TMEM132B: variants seen among roughly 807,000 people sequenced by gnomAD.
TMEM132B encodes transmembrane protein 132B.
Under a neutral mutation model 90.8 loss-of-function variants are expected in TMEM132B, and 18 were observed. The ratio of observed to expected loss-of-function variants is 0.20; its 90% CI spans 0.14 to 0.29. TMEM132B has a LOEUF of 0.29. Ranked by LOEUF, TMEM132B falls within the 10% of genes least tolerant of loss-of-function variation. TMEM132B has a pLI of 1.00. For missense variants in TMEM132B, 1,096 were observed against 1,326.8 expected (o/e 0.83, Z 2.70); for synonymous variants, 504 against 523.3 (o/e 0.96, Z 0.50).
chr12:125,408,269 A>G lies in TMEM132B; in HGVS notation c.960-7262A>G, dbSNP rs529463187. On this transcript the variant is annotated intron_variant, in intron 2 of 8. Coordinates refer to ENST00000682704, the MANE Select transcript of TMEM132B (RefSeq NM_001366854.1). The surrounding 1 kb of genome is among the most constrained non-coding windows in gnomAD (Gnocchi z 5.9). ...TTACGCTTTACCAGTTCCGTTGTCAATGGGTGCTAGGGTCTGAACGTCTGT... is the reference window on the plus strand; with the variant it reads ...TTACGCTTTACCAGTTCCGTTGTCAGTGGGTGCTAGGGTCTGAACGTCTGT... Among the ~76,000 whole-genome samples the G allele has an allele frequency of 3.9e-5, 6 of 152,244 alleles. No individual in the cohort carries two copies. Among genetic ancestry groups the G allele is most frequent in the East Asian group, 3.9e-4 (2 of 5,176 alleles).
At chr12:125,361,656 C>G (rs1370839486) in intron 2 of TMEM132B, among the ~76,000 whole-genome samples, 5 of 152,150 alleles carry the variant, frequency 3.3e-5, no homozygotes, top group Non-Finnish European at 7.3e-5. Flanking sequence ...TGAGTGTTTC[C>G]CAAGCTAACT....
At chr12:125,596,355 A>G (rs948527639) in intron 5 of TMEM132B, among the ~76,000 whole-genome samples, 1 of 152,140 alleles carries the variant, frequency 6.6e-6, no homozygotes, top group African/African-American at 2.4e-5. Context: ...TCTCTTTTCC[A>G]TTCCATTGTC....
At chr12:125,359,710 C>A (rs780346762) in intron 2 of TMEM132B, among the ~76,000 whole-genome samples, 1 of 152,220 alleles carries the variant, frequency 6.6e-6, no homozygotes, top group Non-Finnish European at 1.5e-5. Context: ...CATGTTTGGT[C>A]ATTTCTACTT....
At chr12:125,215,501 C>T (rs1252664542) in intron 1 of TMEM132B, among the ~76,000 whole-genome samples, 1 of 152,154 alleles carries the variant, frequency 6.6e-6, no homozygotes, top group Non-Finnish European at 1.5e-5. Flanking sequence ...CCTCTGCTTC[C>T]ACCCTTGCAT....
Position 125,654,030 on chromosome 12 carries a change from C to T in TMEM132B, c.2572C>T (p.Pro858Ser). The part of the protein sequence containing the change: ...STNKSTTPQS[P>S]MEGKNKLLKS... The stretch of plus-strand genomic sequence containing the variant: ...CAACAAAAGCACAACCCCCCAGTCT[C>T]CCATGGAAGGGAAGAATAAGTTACT... Residue 858 changes from proline (P) to serine (S), a missense_variant, in exon 9 of 9, where the codon CCC (proline) becomes TCC (serine). Coordinates refer to ENST00000682704, the MANE Select transcript of TMEM132B (RefSeq NM_001366854.1). This position sits in a 1 kb window ranked among gnomAD's most constrained non-coding sequence, Gnocchi z 5.8. The T allele has an allele frequency of 6.2e-7, 1 of 1,614,198 alleles. No individual in the cohort carries two copies. Among genetic ancestry groups the T allele is most frequent in the Non-Finnish European group, 8.5e-7 (1 of 1,180,032 alleles).
rs1882625725 is a variant in TMEM132B at position 125,498,921 on chromosome 12, A to G, written c.1107-20518A>G. Among the ~76,000 whole-genome samples the G allele has an allele frequency of 6.6e-6, 1 of 152,222 alleles. No individual in the cohort carries two copies. The highest frequency in any genetic ancestry group is 2.4e-5 in the African/African-American group (1 of 41,462). On this transcript the variant is annotated intron_variant, in intron 3 of 8. Coordinates refer to ENST00000682704, the MANE Select transcript of TMEM132B (RefSeq NM_001366854.1). This position sits in a 1 kb window ranked among gnomAD's most constrained non-coding sequence, Gnocchi z 4.5. ...GGAAAGTGACCTGGACCTGTTGGTG[A>G]TAAGCTTGGGAATGCTCAGTTAGCA...
At chr12:125,305,146 C>G (rs1164001198) in intron 1 of TMEM132B, among the ~76,000 whole-genome samples, 1 of 151,986 alleles carries the variant, frequency 6.6e-6, no homozygotes, top group Non-Finnish European at 1.5e-5. Context: ...ATATCAGTTG[C>G]CTTCTTTTCA....
chr12:125,417,067 G>A (rs968687054), intron 3 of TMEM132B, among the ~76,000 whole-genome samples: 6 of 152,084 alleles, frequency 3.9e-5, no homozygotes, highest in African/African-American at 9.7e-5. Context: ...GCAGCACAAC[G>A]GTGTCTCCTG....
intron 3 of TMEM132B, among the ~76,000 whole-genome samples, chr12:125,416,375 C>G (rs958654292): frequency 6.6e-6 from 1 of 152,258 alleles, no homozygotes; most frequent in Non-Finnish European, 1.5e-5. Flanking sequence ...ATGTGGCCTC[C>G]TGCTTTAAAA....
At position 125,519,490 on chromosome 12, in the gene TMEM132B, TAGC is replaced by T. The variant is rs763241457; in HGVS notation, c.1161_1163del (p.Ser388del). ...TGCAAGTGGACTTTGGAATTGATAA[TAGC>T]AGTGACCTGGCTGGGGCCCAGCAGA... On this transcript the variant is annotated inframe_deletion, in exon 4 of 9. Transcript: ENST00000682704. 2.7e-5 allele frequency: 43 copies of T among 1,613,990 alleles called. No individual in the cohort carries two copies. Among genetic ancestry groups the T allele is most frequent in the Non-Finnish European group, 3.4e-5 (40 of 1,179,996 alleles).
At chr12:125,508,440 A>G (rs1354303684) in intron 3 of TMEM132B, among the ~76,000 whole-genome samples, 1 of 152,200 alleles carries the variant, frequency 6.6e-6, no homozygotes, top group Non-Finnish European at 1.5e-5. Context: ...GGTCTGGGAA[A>G]AAATTGGCAC....
chr12:125,438,041 T>C (rs1251112799), intron 3 of TMEM132B, among the ~76,000 whole-genome samples: 7 of 152,226 alleles, frequency 4.6e-5, no homozygotes, highest in Non-Finnish European at 1.0e-4. Context: ...ATGTGCTTTA[T>C]GGCCACTTTA....
At chr12:125,574,014 A>T (rs1884873196) in intron 4 of TMEM132B, among the ~76,000 whole-genome samples, 1 of 152,184 alleles carries the variant, frequency 6.6e-6, no homozygotes, top group African/African-American at 2.4e-5. Context: ...TACCAAGTTC[A>T]TTGGGCCATT....
intron 1 of TMEM132B, among the ~76,000 whole-genome samples, chr12:125,279,544 G>A (rs1593066381): frequency 6.6e-6 from 1 of 152,302 alleles, no homozygotes. Flanking sequence ...GACAGAAACA[G>A]CATGCATATG....
intron 5 of TMEM132B, among the ~76,000 whole-genome samples, chr12:125,610,650 T>C (rs1885802379): frequency 6.6e-6 from 1 of 152,078 alleles, no homozygotes; most frequent in South Asian, 2.1e-4. Context: ...TGTATGTGTG[T>C]GTGTATATAT....
At position 125,504,005 on chromosome 12, in the gene TMEM132B, T is replaced by C. The variant is rs536851052; in HGVS notation, c.1107-15434T>C. On this transcript the variant is annotated intron_variant, in intron 3 of 8. Coordinates refer to ENST00000682704, the MANE Select transcript of TMEM132B (RefSeq NM_001366854.1). ...GCCTATAAGAAAGATTTCGAGGCTGTTGTAATTAATACAATGGGCCAAGTC... is the reference window on the plus strand; with the variant it reads ...GCCTATAAGAAAGATTTCGAGGCTGCTGTAATTAATACAATGGGCCAAGTC... Among the ~76,000 whole-genome samples, 3 of 152,366 alleles carry C rather than the reference T, an allele frequency of 2.0e-5. No individual in the cohort carries two copies. In the South Asian group the frequency reaches 6.2e-4, roughly 32 times the overall value.
At chr12:125,430,886 G>A (rs377547717) in intron 3 of TMEM132B, among the ~76,000 whole-genome samples, 8 of 152,126 alleles carry the variant, frequency 5.3e-5, no homozygotes, top group South Asian at 2.1e-4. Flanking sequence ...CAGATAAGGC[G>A]GTCAGGGAGG....
At chr12:125,287,896 C>G (rs1488565150) in intron 1 of TMEM132B, among the ~76,000 whole-genome samples, 1 of 152,076 alleles carries the variant, frequency 6.6e-6, no homozygotes, top group Non-Finnish European at 1.5e-5. Context: ...GAGACAGTGT[C>G]TCACTCTGTC....
rs1443637639 is a variant in TMEM132B, at chr12:125,498,079, C to G, written c.1107-21360C>G. ...TCCCACTAGCAATTAAATGATCAGT[C>G]CAGACCTGACACACGCTGCTTTATT... On this transcript the variant is annotated intron_variant, in intron 3 of 8. Transcript: ENST00000682704. This position sits in a 1 kb window ranked among gnomAD's most constrained non-coding sequence, Gnocchi z 4.5. Among the ~76,000 whole-genome samples the G allele has an allele frequency of 6.6e-6, 1 of 152,170 alleles. No individual in the cohort carries two copies. The highest frequency in any genetic ancestry group is 1.5e-5 in the Non-Finnish European group (1 of 68,040).
Sources: gnomAD v4.1 joint callset for allele counts (sites outside exome capture counted in the v4.1 genomes callset) on GRCh38, gnomAD v4.1.1 for gene constraint, Gnocchi (gnomAD v3.1) non-coding constraint, MANE v1.5 for transcripts, NCBI Gene and HGNC (gene_info 2026-07-23, HGNC 2026-07-21) for gene names.